Variants in SIRT3 observed in about 807,000 individuals in gnomAD.
SIRT3 encodes NAD-dependent protein deacetylase sirtuin-3, mitochondrial.
A neutral mutation model predicts 33.5 loss-of-function variants in SIRT3; 26 were observed. The ratio of observed to expected loss-of-function variants is 0.78; its 90% CI spans 0.57 to 1.08. The LOEUF (loss-of-function observed/expected upper bound fraction) is 1.08, where lower values mean the gene tolerates loss of function less well. SIRT3 is among the 50% of genes least tolerant of loss of function. The probability of loss-of-function intolerance (pLI) is 0.00; values close to 1 mark genes in which losing one functional copy is unlikely to be tolerated. For synonymous variants in SIRT3, 237 were observed against 222.1 expected, an observed-to-expected ratio of 1.07 and a Z score of -0.60; for missense variants, 585 against 530.1, an observed-to-expected ratio of 1.10 and a Z score of -1.02.
intron 6 of SIRT3, among the ~76,000 whole-genome samples, chr11:217,042 C>A (rs2133778172): frequency 6.6e-6 from 1 of 152,330 alleles, no homozygotes; most frequent in East Asian, 1.9e-4. Context: ...AAAATGAAAT[C>A]ATAACCCATT....
At chr11:228,496 TCAA>T (rs1234605744) in intron 4 of SIRT3, among the ~76,000 whole-genome samples, 1 of 152,182 alleles carries the variant, frequency 6.6e-6, no homozygotes, top group Non-Finnish European at 1.5e-5. Flanking sequence ...CAACTGATTT[TCAA>T]CAACAATGCC....
chr11:226,300 G>A (rs949325882), intron 4 of SIRT3, among the ~76,000 whole-genome samples: 1 of 152,200 alleles, frequency 6.6e-6, no homozygotes, highest in Non-Finnish European at 1.5e-5. Flanking sequence ...AGGCGCGTCT[G>A]ACCTCCTCTC....
chr11:228,999 A>G (rs548591896), intron 4 of SIRT3, among the ~76,000 whole-genome samples: 2 of 152,386 alleles, frequency 1.3e-5, no homozygotes, highest in Admixed American at 1.3e-4. Flanking sequence ...GAAAATGCCA[A>G]TCAGTGCTAC....
upstream of SIRT3, chr11:236,800 C>T (rs1859224576): frequency 7.2e-6 from 4 of 557,920 alleles, no homozygotes; most frequent in Non-Finnish European, 1.3e-5. Context: ...CCACAGGCGC[C>T]CACACTCTTT....
At position 216,347 on chromosome 11, in the gene SIRT3, A is replaced by T; in HGVS notation, c.*351T>A. The T allele has an allele frequency of 3.9e-6, 1 of 258,934 alleles. No individual in the cohort carries two copies. The highest frequency in any genetic ancestry group is 8.3e-5 in the East Asian group (1 of 12,044). The allele number at this position is 258,934 out of a possible 1,614,324, so 16.0% of individuals were successfully genotyped here. On this transcript the variant is annotated 3_prime_UTR_variant, in exon 7 of 7. Transcript: ENST00000382743. ...CCGAGCTTGCCGTTCAACTAGGCAC[A>T]GAAAGCAGACTCGGTCTGGGATTCC...
At chr11:227,031 C>A (rs1008001202) in intron 4 of SIRT3, among the ~76,000 whole-genome samples, 5 of 151,562 alleles carry the variant, frequency 3.3e-5, no homozygotes, top group Non-Finnish European at 7.4e-5. Context: ...GGATTACGGG[C>A]GTGAGCCACC....
intron 4 of SIRT3, among the ~76,000 whole-genome samples, chr11:229,977 G>A (rs7104764): frequency 0.79 from 120,289 of 152,154 alleles, 47,877 homozygotes; most frequent in African/African-American, 0.88. Flanking sequence ...ATTTAGCCAT[G>A]AAACAGGATG....
chr11:218,664 A>C, intron 6 of SIRT3, 168 bp downstream of exon 6: 2 of 1,242,676 alleles, frequency 1.6e-6, no homozygotes, highest in Non-Finnish European at 2.2e-6. Context: ...AAATGGAGGT[A>C]TTGAAAGTAA....
Position 230,680 on chromosome 11 carries a change from C to G in SIRT3, c.707-128G>C, listed in dbSNP as rs1430934206. On this transcript the variant is annotated intron_variant, in intron 3 of 6. Transcript: ENST00000382743. The stretch of plus-strand genomic sequence containing the variant: ...CAGCCCCTTGGGGTTGTGATGTCCT[C>G]AAGCCTGGTTTTCATGCCCGTATCA... The G allele has an allele frequency of 4.0e-5, 19 of 479,902 alleles. No individual in the cohort carries two copies. In the East Asian group the frequency reaches 6.2e-4, roughly 16 times the overall value. 29.7% of individuals were successfully genotyped at this position (479,902 alleles called of 1,614,324 possible). A position where few individuals can be genotyped will look rare whatever the true frequency, so the allele number is the denominator to read the frequency against.
intron 1 of SIRT3, 23 bp from the exon 2 acceptor site, chr11:233,557 C>A: frequency 3.7e-6 from 6 of 1,611,430 alleles, no homozygotes; most frequent in Non-Finnish European, 3.4e-6. Context: ...AACACAGCAG[C>A]AAAGGAAACA....
At position 215,973 on chromosome 11, in the gene SIRT3, G is replaced by A. The variant is rs1388705047; in HGVS notation, c.*725C>T. On this transcript the variant is annotated 3_prime_UTR_variant, in exon 7 of 7. Coordinates refer to ENST00000382743, the MANE Select transcript of SIRT3 (RefSeq NM_012239.6). The stretch of plus-strand genomic sequence containing the variant: ...CTGGAACAGATCTGTTTCTGGAGGA[G>A]AGGCTGAGTATGGAGAGTCAACAGA... 2 of 152,564 alleles carry A rather than the reference G, an allele frequency of 1.3e-5. No individual in the cohort carries two copies. Among genetic ancestry groups the A allele is most frequent in the Non-Finnish European group, 1.5e-5 (1 of 68,144 alleles). 9.5% of individuals were successfully genotyped at this position (152,564 alleles called of 1,614,324 possible).
In SIRT3 at chr11:219,029, C is replaced by T. The variant is rs1374191509; in HGVS notation, c.982G>A (p.Ala328Thr). The change falls in exon 6 of 7, where the codon GCC (alanine) becomes ACC (threonine). Residue 328 changes from alanine (A) to threonine (T), a missense_variant. Coordinates refer to ENST00000382743, the MANE Select transcript of SIRT3 (RefSeq NM_012239.6). ...LGTSLEVEPF[A>T]SLTEAVRSSV... ...CTCCGCACGGCCTCGGTCAAGCTGGCAAAAGGCTCCACCTGAAAAATGGGC... is the reference window on the plus strand; with the variant it reads ...CTCCGCACGGCCTCGGTCAAGCTGGTAAAAGGCTCCACCTGAAAAATGGGC... The T allele has an allele frequency of 6.2e-7, 1 of 1,612,284 alleles. No homozygotes were observed. The highest frequency in any genetic ancestry group is 1.7e-5 in the Admixed American group (1 of 59,858).
upstream of SIRT3, chr11:236,404 C>G: frequency 2.9e-6 from 3 of 1,027,716 alleles, no homozygotes; most frequent in Non-Finnish European, 2.4e-6. Flanking sequence ...CTCCCACCCC[C>G]GCCCCCGGCG....
chr11:220,055 C>T (rs958245525), intron 5 of SIRT3, among the ~76,000 whole-genome samples: 6 of 152,086 alleles, frequency 3.9e-5, no homozygotes, highest in Non-Finnish European at 5.9e-5. Context: ...AACAGCTGGG[C>T]ATGGTGGTTC....
At chr11:224,364 C>A in intron 4 of SIRT3, 125 bp from the exon 5 acceptor site, 1 of 955,622 alleles carries the variant, frequency 1.0e-6, no homozygotes. Flanking sequence ...GGATCATGAA[C>A]CCCCATGTAC....
At chr11:236,369 CCCGGCGCCCCGGCCCCGCCT>C (rs1299815696), upstream of SIRT3, 7 of 1,189,160 alleles carry the variant, frequency 5.9e-6, no homozygotes, top group African/African-American at 1.1e-4. Flanking sequence ...TCGCCCCGCC[CCCGGCGCCCCGGCCCCGCCT>C]CCGCCTCCCA....
intron 3 of SIRT3, among the ~76,000 whole-genome samples, chr11:231,067 G>T (rs1362438863): frequency 2.0e-5 from 3 of 151,520 alleles, no homozygotes; most frequent in African/African-American, 4.9e-5. Flanking sequence ...GGAAGTTGCA[G>T]TGAGCTGAGG....
intron 4 of SIRT3, chr11:226,069 A>G (rs987428295): frequency 1.3e-5 from 2 of 148,370 alleles, no homozygotes; most frequent in Non-Finnish European, 3.0e-5. Flanking sequence ...TGCCCAGTAA[A>G]TGTACATTTT....
intron 6 of SIRT3, among the ~76,000 whole-genome samples, chr11:217,890 C>T (rs1328052518): frequency 6.6e-6 from 1 of 152,214 alleles, no homozygotes; most frequent in Non-Finnish European, 1.5e-5. Context: ...GTGGAAGTAA[C>T]TGAATCATGG....
Sources: allele counts gnomAD v4.1 joint callset (sites outside exome capture counted in the v4.1 genomes callset), GRCh38; gene constraint gnomAD v4.1.1; transcripts MANE v1.5; gene names NCBI Gene and HGNC (gene_info 2026-07-23, HGNC 2026-07-21).